Variants in NIPA1 observed in about 807,000 individuals in gnomAD.
NIPA1 encodes the protein NIPA magnesium transporter 1, also known as magnesium transporter NIPA1.
Under a neutral mutation model 23.9 loss-of-function variants are expected in NIPA1, and 13 were observed. That is an observed-to-expected ratio of 0.54 (90% confidence interval 0.35 to 0.87). NIPA1 has a LOEUF of 0.87. NIPA1 is among the 40% of genes least tolerant of loss of function. NIPA1 has a pLI of 0.01. For synonymous variants in NIPA1, 234 were observed against 202.9 expected (o/e 1.15, Z -1.30); for missense variants, 362 against 429.7 (o/e 0.84, Z 1.39).
chr15:22,787,848 G>C (rs1894742722), intron 1 of NIPA1, among the ~76,000 whole-genome samples: 3 of 152,150 alleles, frequency 2.0e-5, no homozygotes. Flanking sequence ...GCCAGGCGTT[G>C]GCTTCAGAGA....
chr15:22,823,587 C>T lies in NIPA1; in HGVS notation c.479-141C>T, dbSNP rs556490539. 1.7e-4 allele frequency: 133 copies of T among 760,680 alleles called. No individual in the cohort carries two copies. In the African/African-American group the frequency reaches 2.0e-3, roughly 12 times the overall value. 47.1% of individuals were successfully genotyped at this position (760,680 alleles called of 1,614,324 possible). ...TGGGTCTGGTAAATTCAAGCCAGAGCCCACATGCTCCCCAGGGCTGTGCCG... is the reference window on the plus strand; with the variant it reads ...TGGGTCTGGTAAATTCAAGCCAGAGTCCACATGCTCCCCAGGGCTGTGCCG... On this transcript the variant is annotated intron_variant, in intron 4 of 4. Coordinates refer to ENST00000337435, the MANE Select transcript of NIPA1 (RefSeq NM_144599.5).
rs1555371601 is a variant in NIPA1, at chr15:22,786,671, T to TGCG, written c.18_20dup (p.Ala16dup). On this transcript the variant is annotated inframe_insertion, in exon 1 of 5. Coordinates refer to ENST00000337435, the MANE Select transcript of NIPA1 (RefSeq NM_144599.5). Reference sequence around the variant, plus strand: ...GCGCGGGCGGAATGGGGACTGCAGCTGCGGCAGCGGCGGCGGCGGCGGCGG... The same window carrying TGCG: ...GCGCGGGCGGAATGGGGACTGCAGCTGCGGCGGCAGCGGCGGCGGCGGCGGCGG... 45 of 1,066,004 alleles carry TGCG rather than the reference T, an allele frequency of 4.2e-5. No homozygotes were observed. The highest frequency in any genetic ancestry group is 4.9e-5 in the Non-Finnish European group (43 of 883,532). The allele number at this position is 1,066,004 out of a possible 1,614,324, so 66.0% of individuals were successfully genotyped here. A position where few individuals can be genotyped will look rare whatever the true frequency, so the allele number is the denominator to read the frequency against.
rs1895644370 is a variant in NIPA1 at position 22,826,065 on chromosome 15, G to T, written c.*1826G>T. 1.4e-5 allele frequency: 2 copies of T among 144,724 alleles called. No individual in the cohort carries two copies. The highest frequency in any genetic ancestry group is 2.2e-4 in the South Asian group (1 of 4,488). 9.0% of individuals were successfully genotyped at this position (144,724 alleles called of 1,614,324 possible). On this transcript the variant is annotated 3_prime_UTR_variant, in exon 5 of 5. Transcript: ENST00000337435. ...TAAAATTGAATAGTACCCAATTAAA[G>T]TTCCTCAGTAAGAAAAAAAATGTGT...
rs531138588 is a variant in NIPA1 at position 22,814,712 on chromosome 15, G to A, written c.317+2459G>A. ...TAAAGTAATCATCTGTACATGCTGT[G>A]TTTAGAAAGAGGTTTAAAAAACTTT... is the stretch of plus-strand genomic sequence containing the variant. On this transcript the variant is annotated intron_variant, in intron 3 of 4. Coordinates refer to ENST00000337435, the MANE Select transcript of NIPA1 (RefSeq NM_144599.5). 1.9e-4 allele frequency among the ~76,000 whole-genome samples: 29 copies of A among 152,238 alleles called. 1 individual carries two copies. The South Asian group carries it at 5.8e-3, about 30-fold the overall frequency.
chr15:22,798,429 C>A (rs1469588444), intron 1 of NIPA1, among the ~76,000 whole-genome samples: 1 of 149,740 alleles, frequency 6.7e-6, no homozygotes, highest in Non-Finnish European at 1.5e-5. Context: ...TAAGTAGAGA[C>A]GGGGTTTCAC....
Position 22,820,428 on chromosome 15 carries a change from A to G in NIPA1, c.433A>G (p.Ser145Gly). Reference sequence around the variant, plus strand: ...GATTATCCACTCCCCAAAGTCTGAGAGTGTGACAACTCAGGCTGAGCTGGA... The same window carrying G: ...GATTATCCACTCCCCAAAGTCTGAGGGTGTGACAACTCAGGCTGAGCTGGA... The part of the protein sequence containing the change: ...VLIIHSPKSE[S>G]VTTQAELEEK... Residue 145 changes from serine to glycine, a missense_variant, in exon 4 of 5, where the codon AGT (serine) becomes GGT (glycine). Physicochemically the swap from Ser to Gly is moderately conservative, Grantham distance 56. Coordinates refer to ENST00000337435, the MANE Select transcript of NIPA1 (RefSeq NM_144599.5). 1 of 1,612,984 alleles carries G rather than the reference A, an allele frequency of 6.2e-7. No homozygotes were observed. The highest frequency in any genetic ancestry group is 2.2e-5 in the East Asian group (1 of 44,868).
At chr15:22,816,560 C>T (rs1391603082) in intron 3 of NIPA1, among the ~76,000 whole-genome samples, 1 of 119,588 alleles carries the variant, frequency 8.4e-6, no homozygotes, top group Non-Finnish European at 1.7e-5. Context: ...GGTGTGCTGT[C>T]GGCTCACTGC....
chr15:22,822,603 C>T (rs1369353798), intron 4 of NIPA1, among the ~76,000 whole-genome samples: 3 of 152,138 alleles, frequency 2.0e-5, no homozygotes, highest in East Asian at 1.9e-4. Context: ...CCGAGGACGG[C>T]GGATCACCTA....
At chr15:22,817,672 G>A (rs1461918803) in intron 3 of NIPA1, among the ~76,000 whole-genome samples, 1 of 151,740 alleles carries the variant, frequency 6.6e-6, no homozygotes, top group South Asian at 2.1e-4. Flanking sequence ...GGGCGTAGTG[G>A]CAGGCACCTG....
At chr15:22,813,006 A>G (rs1363930925) in intron 3 of NIPA1, among the ~76,000 whole-genome samples, 1 of 152,174 alleles carries the variant, frequency 6.6e-6, no homozygotes, top group Non-Finnish European at 1.5e-5. Context: ...TGAATAATAC[A>G]CGGCATCAAT....
At chr15:22,788,498 C>CGAAAAAAAAAAAAAAA in intron 1 of NIPA1, among the ~76,000 whole-genome samples, 1 of 89,588 alleles carries the variant, frequency 1.1e-5, no homozygotes, top group Non-Finnish European at 2.3e-5. Flanking sequence ...GACTCCATCT[C>CGAAAAAAAAAAAAAAA]AAAAAAAAAA....
intron 1 of NIPA1, among the ~76,000 whole-genome samples, chr15:22,804,106 A>C (rs1264156685): frequency 6.6e-6 from 1 of 151,900 alleles, no homozygotes; most frequent in Non-Finnish European, 1.5e-5. Flanking sequence ...CGTCCTGAGT[A>C]GCTGGGATTA....
Position 22,809,744 on chromosome 15 carries a change from GAA to G in NIPA1, c.179-993_179-992del, listed in dbSNP as rs34782532. ...TGGGTGACAGAGTGAGACTCTGTCT[GAA>G]AAAAAAAAAAAGGCCAGGCGCGGTG... On this transcript the variant is annotated intron_variant, in intron 1 of 4. Transcript: ENST00000337435. Among the ~76,000 whole-genome samples, 133 of 136,098 alleles carry G rather than the reference GAA, an allele frequency of 9.8e-4. 1 individual carries two copies. Among genetic ancestry groups the G allele is most frequent in the African/African-American group, 2.9e-3 (112 of 38,894 alleles). The allele number at this position is 136,098 out of a possible 152,430, so 89.3% of individuals were successfully genotyped here.
intron 1 of NIPA1, among the ~76,000 whole-genome samples, chr15:22,795,565 T>C (rs1894923626): frequency 6.6e-6 from 1 of 152,130 alleles, no homozygotes; most frequent in African/African-American, 2.4e-5. Context: ...CAGGGCTCCC[T>C]TGGACGCCCT....
At chr15:22,813,784 C>T (rs1566785379) in intron 3 of NIPA1, 7 of 436,184 alleles carry the variant, frequency 1.6e-5, no homozygotes, top group East Asian at 7.0e-5. Context: ...ACATTTTTCT[C>T]GTGAACACAT....
chr15:22,815,984 T>G (rs1895406807), intron 3 of NIPA1, among the ~76,000 whole-genome samples: 1 of 152,008 alleles, frequency 6.6e-6, no homozygotes, highest in South Asian at 2.1e-4. Flanking sequence ...CCAGCTAACA[T>G]CATACTTAAT....
chr15:22,810,656 T>C (rs1895299309), intron 1 of NIPA1, 93 bp from the exon 2 acceptor site: 6 of 785,108 alleles, frequency 7.6e-6, no homozygotes, highest in African/African-American at 1.7e-5. Flanking sequence ...AATTTTAGTT[T>C]TCATGTCAAA....
At chr15:22,809,829 C>T (rs998937836) in intron 1 of NIPA1, among the ~76,000 whole-genome samples, 1 of 151,690 alleles carries the variant, frequency 6.6e-6, no homozygotes, top group Non-Finnish European at 1.5e-5. Flanking sequence ...CACCTGAGAT[C>T]GGGAGTTCAA....
rs138311678 is a variant in NIPA1 at position 22,824,433 on chromosome 15, G to A, written c.*194G>A. 331 of 603,160 alleles carry A rather than the reference G, an allele frequency of 5.5e-4. 1 individual carries two copies. The highest frequency in any genetic ancestry group is 8.3e-4 in the Non-Finnish European group (280 of 336,680). The allele number at this position is 603,160 out of a possible 1,614,324, so 37.4% of individuals were successfully genotyped here. A position where few individuals can be genotyped will look rare whatever the true frequency, so the allele number is the denominator to read the frequency against. ...CCAGCCAGCCCTCTGCAGCCCAAAC[G>A]TCCCCAACGGTTGCCTGGCACCATC... On this transcript the variant is annotated 3_prime_UTR_variant, in exon 5 of 5. Coordinates refer to ENST00000337435, the MANE Select transcript of NIPA1 (RefSeq NM_144599.5). The surrounding 1 kb of genome is among the most constrained non-coding windows in gnomAD (Gnocchi z 4.1).
Sources: allele counts gnomAD v4.1 joint callset (sites outside exome capture counted in the v4.1 genomes callset), GRCh38; gene constraint gnomAD v4.1.1; non-coding constraint Gnocchi (gnomAD v3.1); transcripts MANE v1.5; gene names NCBI Gene and HGNC (gene_info 2026-07-23, HGNC 2026-07-21).